CTNNA2: variants seen among roughly 807,000 people sequenced by gnomAD.
CTNNA2 encodes catenin alpha-2.
A neutral mutation model predicts 101.0 loss-of-function variants in CTNNA2; 42 were observed. That is an observed-to-expected ratio of 0.42 (90% CI 0.32 to 0.54). The LOEUF is 0.54. Ranked by LOEUF, CTNNA2 falls within the 20% of genes least tolerant of loss-of-function variation. The pLI is 0.14. For synonymous variants in CTNNA2, 450 were observed against 456.4 expected (o/e 0.99, Z 0.18); for missense variants, 871 against 1,223.1 (o/e 0.71, Z 4.29).
intron 4 of CTNNA2, among the ~76,000 whole-genome samples, chr2:79,474,638 T>G (rs1298605698): frequency 2.0e-5 from 3 of 152,200 alleles, no homozygotes; most frequent in Non-Finnish European, 4.4e-5. Flanking sequence ...CATTATATTT[T>G]AATTTTAATT....
chr2:80,589,180 G>A (rs1411101588), intron 14 of CTNNA2, 124 bp from the exon 15 acceptor site: 1 of 946,662 alleles, frequency 1.1e-6, no homozygotes, highest in Admixed American at 2.8e-5. Flanking sequence ...GTGCTTTCCG[G>A]AATGGCAGGG....
At chr2:79,881,116 G>T (rs1462263697) in intron 6 of CTNNA2, among the ~76,000 whole-genome samples, 3 of 152,128 alleles carry the variant, frequency 2.0e-5, no homozygotes, top group Non-Finnish European at 4.4e-5. Context: ...CCATGTGATT[G>T]CATGGTTTTG....
chr2:79,564,356 T>C (rs1674977848), intron 1 of CTNNA2, among the ~76,000 whole-genome samples: 1 of 151,962 alleles, frequency 6.6e-6, no homozygotes, highest in African/African-American at 2.4e-5. Context: ...AACTCTGTGC[T>C]ATTTAATATT....
chr2:80,280,761 G>T (rs116318937), intron 7 of CTNNA2, among the ~76,000 whole-genome samples: 6,300 of 152,132 alleles, frequency 0.041, 194 homozygotes, highest in Non-Finnish European at 0.063. Flanking sequence ...GCACTGTCCT[G>T]CTCAGTCCTG....
chr2:80,497,859 G>GA, intron 9 of CTNNA2, among the ~76,000 whole-genome samples: 1 of 152,196 alleles, frequency 6.6e-6, no homozygotes, highest in Non-Finnish European at 1.5e-5. Flanking sequence ...GCAAGGAACT[G>GA]AATTCTGCCA....
intron 8 of CTNNA2, among the ~76,000 whole-genome samples, chr2:80,405,273 G>T (rs930389767): frequency 7.2e-5 from 11 of 152,022 alleles, no homozygotes. Flanking sequence ...CTATCAAAAA[G>T]ATTTTTTTTC....
intron 2 of CTNNA2, among the ~76,000 whole-genome samples, chr2:79,258,026 A>C (rs561840665): frequency 5.1e-4 from 77 of 152,234 alleles, no homozygotes; most frequent in African/African-American, 1.7e-3. Context: ...TCTTCTTACC[A>C]GGAGAAGAGT....
Position 79,306,884 on chromosome 2 carries a change from T to C in CTNNA2, c.-405-5825T>C, listed in dbSNP as rs12620903. Among the ~76,000 whole-genome samples the C allele has an allele frequency of 2.6e-3, 397 of 152,334 alleles. 9 individuals are homozygous for C. The East Asian group carries it at 0.062, about 24-fold the overall frequency. On this transcript the variant is annotated intron_variant, in intron 2 of 21. Transcript: ENST00000466387. ...TTGATAACTAATGAGATAAGACATC[T>C]CTACATGTGCATTAGCCATTCTGGT...
At chr2:80,409,891 C>A (rs1002658923) in intron 8 of CTNNA2, among the ~76,000 whole-genome samples, 2 of 152,000 alleles carry the variant, frequency 1.3e-5, no homozygotes, top group African/African-American at 4.8e-5. Flanking sequence ...TTTTGAATTT[C>A]ACAATTAAAG....
At chr2:80,113,466 C>T (rs1701337095) in intron 7 of CTNNA2, among the ~76,000 whole-genome samples, 1 of 152,124 alleles carries the variant, frequency 6.6e-6, no homozygotes, top group Non-Finnish European at 1.5e-5. Context: ...GTCTGTAGTC[C>T]ATAGATTGGG....
chr2:80,216,093 T>C (rs1301464201), intron 7 of CTNNA2, among the ~76,000 whole-genome samples: 3 of 152,198 alleles, frequency 2.0e-5, no homozygotes, highest in Non-Finnish European at 4.4e-5. Flanking sequence ...GGTGTGCCAT[T>C]TGCTAAGACT....
rs189744331 is a variant in CTNNA2 at position 79,540,441 on chromosome 2, T to C, written c.-6+27234T>C. 3.5e-4 allele frequency among the ~76,000 whole-genome samples: 53 copies of C among 152,330 alleles called. 2 individuals are homozygous for C. In the East Asian group the frequency reaches 8.5e-3, roughly 24 times the overall value. ...GTGCAACATATGCCCTTGAAATAAA[T>C]AGAAGAGAAGCAGAGTTTTGCCCCT... On this transcript the variant is annotated intron_variant, in intron 1 of 18. Coordinates refer to ENST00000402739, the MANE Select transcript of CTNNA2 (RefSeq NM_001282597.3).
At chr2:80,152,462 C>T (rs950168722) in intron 7 of CTNNA2, among the ~76,000 whole-genome samples, 2 of 152,040 alleles carry the variant, frequency 1.3e-5, no homozygotes, top group African/African-American at 2.4e-5. Flanking sequence ...CATTAACCTC[C>T]AAGCATGCAC....
rs78830234 is a variant in CTNNA2, at chr2:80,010,516, C to T, written c.1056+100719C>T. Among the ~76,000 whole-genome samples the T allele has an allele frequency of 1.2e-4, 18 of 152,166 alleles. No individual in the cohort carries two copies. In the East Asian group the frequency reaches 3.5e-3, roughly 30 times the overall value. Reference sequence around the variant, plus strand: ...AAGGGGTCTTCCTCTGTTGCCAGGGCTGGTCTTGAACTCCTAGGCTAAAGT... The same window carrying T: ...AAGGGGTCTTCCTCTGTTGCCAGGGTTGGTCTTGAACTCCTAGGCTAAAGT... On this transcript the variant is annotated intron_variant, in intron 7 of 18. Coordinates refer to ENST00000402739, the MANE Select transcript of CTNNA2 (RefSeq NM_001282597.3).
intron 1 of CTNNA2, among the ~76,000 whole-genome samples, chr2:79,592,122 CT>C (rs56250033): frequency 0.39 from 21,812 of 56,524 alleles, 2,822 homozygotes; most frequent in African/African-American, 0.54. Flanking sequence ...CTTCTTTTTG[CT>C]TTTTTTTTTT....
In CTNNA2 at chr2:80,313,295, C is replaced by A. The variant is rs1005981650; in HGVS notation, c.1057-79916C>A. 8.7e-6 allele frequency: 8 copies of A among 923,470 alleles called. No homozygotes were observed. In the Admixed American group the frequency reaches 2.7e-4, roughly 31 times the overall value. The allele number at this position is 923,470 out of a possible 1,614,324, so 57.2% of individuals were successfully genotyped here. ...ATCTCTGACAAGAATCTTGAAAATG[C>A]CTTTCTAATTATTTAACATACGTGT... On this transcript the variant is annotated intron_variant, in intron 7 of 18. Transcript: ENST00000402739.
intron 7 of CTNNA2, among the ~76,000 whole-genome samples, chr2:80,374,756 G>C (rs1040946481): frequency 1.2e-4 from 18 of 151,088 alleles, no homozygotes; most frequent in Non-Finnish European, 2.5e-4. Context: ...TATTGGATTA[G>C]GGCTGAGATC....
chr2:80,372,941 T>C (rs1485101423), intron 7 of CTNNA2, among the ~76,000 whole-genome samples: 1 of 152,164 alleles, frequency 6.6e-6, no homozygotes, highest in Non-Finnish European at 1.5e-5. Context: ...TGTTAAATAT[T>C]CTACAATGCC....
intron 8 of CTNNA2, among the ~76,000 whole-genome samples, chr2:80,415,784 C>T (rs2149401176): frequency 6.6e-6 from 1 of 152,080 alleles, no homozygotes; most frequent in Non-Finnish European, 1.5e-5. Context: ...AACCAAGTAT[C>T]CACTGACAGA....
Sources: allele counts gnomAD v4.1 joint callset (sites outside exome capture counted in the v4.1 genomes callset), GRCh38; gene constraint gnomAD v4.1.1; transcripts MANE v1.5; gene names NCBI Gene and HGNC (gene_info 2026-07-23, HGNC 2026-07-21).